Variants in DOK5 observed in about 807,000 individuals in gnomAD.
DOK5 encodes the protein docking protein 5.
DOK5 carries 27 observed loss-of-function variants against 43.3 expected under a neutral mutation model. The observed-to-expected ratio is 0.62, with a 90% CI of 0.46 to 0.86. The LOEUF is 0.86. Among genes scored for constraint, DOK5 ranks in the 40% least tolerant of loss-of-function variants. The pLI, the probability that DOK5 is intolerant of heterozygous loss-of-function variation, is 0.00. For synonymous variants in DOK5, 146 were observed against 140.1 expected (o/e 1.04, Z -0.30); for missense variants, 373 against 392.9 (o/e 0.95, Z 0.43).
chr20:54,576,834 T>G (rs930731407), intron 2 of DOK5, among the ~76,000 whole-genome samples: 1 of 152,260 alleles, frequency 6.6e-6, no homozygotes, highest in Non-Finnish European at 1.5e-5. Context: ...GGCTGCCTTC[T>G]TTTGAATTGA....
intron 1 of DOK5, among the ~76,000 whole-genome samples, chr20:54,488,051 G>A (rs1982011566): frequency 6.6e-6 from 1 of 152,082 alleles, no homozygotes; most frequent in African/African-American, 2.4e-5. Context: ...GAATCCCCTA[G>A]CAAAATTGAC....
chr20:54,537,632 C>T (rs1016328930), intron 1 of DOK5, among the ~76,000 whole-genome samples: 14 of 151,938 alleles, frequency 9.2e-5, no homozygotes, highest in African/African-American at 3.4e-4. Flanking sequence ...GTTGGAATAA[C>T]AGAGAAAAAA....
intron 2 of DOK5, among the ~76,000 whole-genome samples, chr20:54,566,845 G>C (rs1985116666): frequency 6.6e-6 from 1 of 152,034 alleles, no homozygotes. Context: ...TTGAACTCCT[G>C]GCCTCAAGGG....
chr20:54,523,098 C>G (rs575766510), intron 1 of DOK5, among the ~76,000 whole-genome samples: 2 of 152,248 alleles, frequency 1.3e-5, no homozygotes, highest in Non-Finnish European at 2.9e-5. Context: ...AAGAGAAAGG[C>G]TTGTATTTCC....
intron 5 of DOK5, among the ~76,000 whole-genome samples, chr20:54,594,276 C>T (rs1682741314): frequency 6.6e-6 from 1 of 152,142 alleles, no homozygotes; most frequent in African/African-American, 2.4e-5. Flanking sequence ...CCTGTGGTCT[C>T]AGCTACTCCA....
chr20:54,528,400 C>G (rs746582483), intron 1 of DOK5, among the ~76,000 whole-genome samples: 20 of 151,780 alleles, frequency 1.3e-4, no homozygotes, highest in Non-Finnish European at 2.2e-4. Flanking sequence ...CAACAGGAAA[C>G]CTGGTATCTT....
At chr20:54,539,642 A>G (rs1984080788) in intron 1 of DOK5, among the ~76,000 whole-genome samples, 1 of 152,222 alleles carries the variant, frequency 6.6e-6, no homozygotes, top group African/African-American at 2.4e-5. Flanking sequence ...AATAAGCCCC[A>G]GATAGGCTAT....
At chr20:54,589,557 C>G (rs1429574796) in intron 4 of DOK5, among the ~76,000 whole-genome samples, 1 of 152,150 alleles carries the variant, frequency 6.6e-6, no homozygotes, top group Admixed American at 6.5e-5. Context: ...GGAATCATTC[C>G]TTTGTCTCCT....
chr20:54,486,955 A>T (rs1321123838), intron 1 of DOK5, among the ~76,000 whole-genome samples: 1 of 152,206 alleles, frequency 6.6e-6, no homozygotes, highest in Non-Finnish European at 1.5e-5. Context: ...TTGATAATAA[A>T]AAAAAAGGTT....
At chr20:54,540,780 T>C (rs971002365) in intron 1 of DOK5, among the ~76,000 whole-genome samples, 3 of 152,100 alleles carry the variant, frequency 2.0e-5, no homozygotes, top group Non-Finnish European at 2.9e-5. Flanking sequence ...CACAGTGGCC[T>C]CCCAAAATGC....
intron 6 of DOK5, among the ~76,000 whole-genome samples, chr20:54,634,325 C>T (rs975674446): frequency 8.0e-5 from 2 of 25,034 alleles, no homozygotes; most frequent in South Asian, 1.4e-3. Context: ...AGGGTGGGGG[C>T]GGGGGCAGGG....
intron 1 of DOK5, among the ~76,000 whole-genome samples, chr20:54,551,011 AC>A (rs1398695284): frequency 6.6e-6 from 1 of 152,114 alleles, no homozygotes; most frequent in Admixed American, 6.5e-5. Context: ...TTGCATTCCC[AC>A]CAACTATGTA....
At chr20:54,486,321 C>T (rs1165960298) in intron 1 of DOK5, among the ~76,000 whole-genome samples, 1 of 151,356 alleles carries the variant, frequency 6.6e-6, no homozygotes, top group African/African-American at 2.4e-5. Context: ...TATATATGTA[C>T]AGTGATATGT....
intron 1 of DOK5, among the ~76,000 whole-genome samples, chr20:54,529,599 T>A (rs1983695906): frequency 6.6e-6 from 1 of 152,216 alleles, no homozygotes; most frequent in Admixed American, 6.5e-5. Context: ...TTCATCCTTT[T>A]AAAGTGTATA....
intron 6 of DOK5, among the ~76,000 whole-genome samples, chr20:54,622,972 AC>A (rs1987029357): frequency 6.6e-6 from 1 of 151,834 alleles, no homozygotes; most frequent in African/African-American, 2.4e-5. Context: ...CAAGTACAGG[AC>A]CCTTCTAAGC....
intron 6 of DOK5, among the ~76,000 whole-genome samples, chr20:54,622,845 G>A (rs1006806068): frequency 2.0e-5 from 3 of 152,150 alleles, no homozygotes; most frequent in Non-Finnish European, 4.4e-5. Flanking sequence ...AAATAGTGAT[G>A]AGGACTGAGA....
At chr20:54,618,349 CTT>C (rs34232628) in intron 6 of DOK5, among the ~76,000 whole-genome samples, 30 of 145,762 alleles carry the variant, frequency 2.1e-4, no homozygotes, top group Admixed American at 2.7e-4. Flanking sequence ...TTTTTTTTCC[CTT>C]TTTTTTTTTT....
Position 54,549,791 on chromosome 20 carries a change from G to T in DOK5, c.67-5142G>T, listed in dbSNP as rs543141810. On this transcript the variant is annotated intron_variant, in intron 1 of 7. Transcript: ENST00000262593. ...AGATATTTTTTCTTGCAGTGGGCAT[G>T]ATTTTTGCATACCTTTAGCATGTTC... 2.0e-5 allele frequency among the ~76,000 whole-genome samples: 3 copies of T among 152,304 alleles called. No individual in the cohort carries two copies. In the South Asian group the frequency reaches 6.2e-4, roughly 32 times the overall value.
chr20:54,501,546 A>G (rs138567279), intron 1 of DOK5, among the ~76,000 whole-genome samples: 1 of 150,936 alleles, frequency 6.6e-6, no homozygotes, highest in Non-Finnish European at 1.5e-5. Flanking sequence ...GAGGTAGCTG[A>G]TGTTCTATTT....
Sources: allele counts gnomAD v4.1 joint callset (sites outside exome capture counted in the v4.1 genomes callset), GRCh38; gene constraint gnomAD v4.1.1; transcripts MANE v1.5; gene names NCBI Gene and HGNC (gene_info 2026-07-23, HGNC 2026-07-21).